RELL1: variants seen among roughly 807,000 people sequenced by gnomAD.
RELL1 encodes RELT-like protein 1.
RELL1 carries 10 observed loss-of-function variants against 23.0 expected under a neutral mutation model. The observed-to-expected ratio is 0.43, with a 90% confidence interval of 0.27 to 0.74. The LOEUF is 0.74. RELL1 is among the 30% of genes least tolerant of loss of function. RELL1 has a pLI of 0.19. For synonymous variants in RELL1, 146 were observed against 146.8 expected (o/e 0.99, Z 0.04); for missense variants, 315 against 364.4 (o/e 0.86, Z 1.10).
chr4:37,598,978 C>T (rs766594132), intron 6 of RELL1, among the ~76,000 whole-genome samples: 1 of 152,156 alleles, frequency 6.6e-6, no homozygotes, highest in Admixed American at 6.5e-5. Flanking sequence ...AGCCACCGCG[C>T]CTGGCCCAAA....
chr4:37,621,657 G>A (rs1468797249), intron 6 of RELL1, among the ~76,000 whole-genome samples: 1 of 152,130 alleles, frequency 6.6e-6, no homozygotes, highest in African/African-American at 2.4e-5. Flanking sequence ...AATTTCTGCA[G>A]TGAAAAGAGC....
intron 1 of RELL1, among the ~76,000 whole-genome samples, chr4:37,669,110 T>C (rs1266605453): frequency 8.2e-6 from 1 of 122,504 alleles, no homozygotes; most frequent in African/African-American, 3.6e-5. Context: ...GAGGGGCGCC[T>C]CTGCCCGGCC....
At chr4:37,587,044 A>G (rs1718373582), downstream of RELL1, among the ~76,000 whole-genome samples, 1 of 152,018 alleles carries the variant, frequency 6.6e-6, no homozygotes, top group African/African-American at 2.4e-5. Flanking sequence ...CCGGGGCCAC[A>G]CTCTTTCCAG....
intron 1 of RELL1, among the ~76,000 whole-genome samples, chr4:37,660,904 G>T (rs6531564): frequency 0.99 from 150,091 of 151,968 alleles, 74,139 homozygotes; most frequent in Non-Finnish European, 1. Flanking sequence ...GGTGGCGGGC[G>T]CCTGTTGTCC....
rs548224761 is a variant in RELL1 at position 37,652,218 on chromosome 4, T to C, written c.89-2718A>G. On this transcript the variant is annotated intron_variant, in intron 1 of 6. Transcript: ENST00000454158. ...ACTACCTCTCTTTCGCATGGAAATA[T>C]CCATTGTCTTTGAACATGAAAGGAA... 2.6e-5 allele frequency among the ~76,000 whole-genome samples: 4 copies of C among 152,334 alleles called. No homozygotes were observed. The East Asian group carries it at 5.8e-4, about 22-fold the overall frequency.
chr4:37,659,533 A>G (rs1378882391), intron 1 of RELL1, among the ~76,000 whole-genome samples: 1 of 152,146 alleles, frequency 6.6e-6, no homozygotes, highest in Non-Finnish European at 1.5e-5. Flanking sequence ...GGTCTAGATT[A>G]CCAAGATGGC....
At chr4:37,625,610 T>C (rs1229719918) in intron 6 of RELL1, among the ~76,000 whole-genome samples, 2 of 152,152 alleles carry the variant, frequency 1.3e-5, no homozygotes, top group Non-Finnish European at 2.9e-5. Context: ...TTAGGAGGAA[T>C]AGGCCATCAA....
In RELL1 at chr4:37,628,507, A is replaced by G. The variant is rs137887216; in HGVS notation, c.*3+2878T>C. Among the ~76,000 whole-genome samples the G allele has an allele frequency of 4.4e-3, 675 of 152,330 alleles. 3 individuals carry two copies. Among genetic ancestry groups the G allele is most frequent in the African/African-American group, 0.016 (655 of 41,584 alleles). ...ATGGATCATGGACATCCATGATACT[A>G]TTCTACTTTTGAGTTTAAAATTTTT... On this transcript the variant is annotated intron_variant, in intron 6 of 6. Transcript: ENST00000454158.
At chr4:37,686,014 G>C (rs920019134) in intron 1 of RELL1, among the ~76,000 whole-genome samples, 186 bp downstream of exon 1, 1 of 152,186 alleles carries the variant, frequency 6.6e-6, no homozygotes, top group South Asian at 2.1e-4. Flanking sequence ...GGGAGGGACG[G>C]GAGCCGTTGC....
Position 37,612,240 on chromosome 4 carries a change from CCAAA to C in RELL1, c.*1102_*1105del. 6.9e-6 allele frequency among the ~76,000 whole-genome samples: 1 copy of C among 145,890 alleles called. No individual in the cohort carries two copies. Among genetic ancestry groups the C allele is most frequent in the East Asian group, 2.0e-4 (1 of 4,934 alleles). On this transcript the variant is annotated 3_prime_UTR_variant, in exon 7 of 7. Coordinates refer to ENST00000454158, the MANE Select transcript of RELL1 (RefSeq NM_001085400.2). ...TTCTTTTGTTTTGGCCTTGGGTTGT[CCAAA>C]CAAATTTGTGTGTGTGTGACTTTCA...
At chr4:37,652,601 CT>C (rs893153259) in intron 1 of RELL1, among the ~76,000 whole-genome samples, 15 of 152,006 alleles carry the variant, frequency 9.9e-5, no homozygotes, top group African/African-American at 3.6e-4. Context: ...AAAATAAATT[CT>C]TTTTTAGGGG....
intron 1 of RELL1, among the ~76,000 whole-genome samples, chr4:37,654,376 T>C (rs1327844307): frequency 6.6e-6 from 1 of 152,234 alleles, no homozygotes; most frequent in Non-Finnish European, 1.5e-5. Context: ...GACAGCCCTG[T>C]TGTGCATTAT....
Position 37,604,761 on chromosome 4 carries a change from C to CCA in RELL1, c.*4-13546_*4-13545dup, listed in dbSNP as rs200811075. Among the ~76,000 whole-genome samples, 12 of 50,222 alleles carry CCA rather than the reference C, an allele frequency of 2.4e-4. No homozygotes were observed. In the South Asian group the frequency reaches 2.5e-3, roughly 11 times the overall value. The allele number at this position is 50,222 out of a possible 152,430, so 32.9% of individuals were successfully genotyped here. A position where few individuals can be genotyped will look rare whatever the true frequency, so the allele number is the denominator to read the frequency against. On this transcript the variant is annotated intron_variant, in intron 6 of 6. Coordinates refer to the RELL1 transcript ENST00000314117. ...AATACTGTAAGGCTAAAAACAAGAA[C>CCA]CACACACACACACAGACACACACAG...
At chr4:37,666,302 GA>G (rs1440613488) in intron 1 of RELL1, among the ~76,000 whole-genome samples, 1 of 152,160 alleles carries the variant, frequency 6.6e-6, no homozygotes, top group Non-Finnish European at 1.5e-5. Flanking sequence ...GGCCAACTCT[GA>G]AGCAAGACTA....
At chr4:37,610,232 C>T (rs186677773), downstream of RELL1, among the ~76,000 whole-genome samples, 19 of 141,930 alleles carry the variant, frequency 1.3e-4, no homozygotes, top group South Asian at 3.9e-3. This position sits in a 1 kb window ranked among gnomAD's most constrained non-coding sequence, Gnocchi z 4.1. Context: ...CTCAGATTAT[C>T]GTATTTTTTT....
In RELL1 at chr4:37,631,466, C is replaced by T. The variant is rs115919542; in HGVS notation, c.738G>A (p.Met246Ile). The stretch of plus-strand genomic sequence containing the variant: ...TGACGGTTTCAGCCCCACTAACAGA[C>T]ATCAGGCTTCTCCGTTCCTTCTGGT... ...KSNQKERRSL[M>I]SVSGAETVNG... Residue 246 changes from methionine to isoleucine, a missense_variant, in exon 6 of 7, where the codon ATG becomes ATA. Met to Ile is a conservative substitution (Grantham distance 10). Transcript: ENST00000454158. 6.2e-7 allele frequency: 1 copy of T among 1,614,172 alleles called. No individual in the cohort carries two copies. The highest frequency in any genetic ancestry group is 1.3e-5 in the African/African-American group (1 of 75,044).
chr4:37,606,131 GA>G (rs1370096120), downstream of RELL1, among the ~76,000 whole-genome samples: 59 of 136,092 alleles, frequency 4.3e-4, no homozygotes, highest in Non-Finnish European at 8.6e-4. This position sits in a 1 kb window ranked among gnomAD's most constrained non-coding sequence, Gnocchi z 4.1. Context: ...AGGAGGAGGA[GA>G]AGGAAGGAAG....
intron 6 of RELL1, among the ~76,000 whole-genome samples, chr4:37,615,737 A>G (rs1719553272): frequency 1.3e-5 from 2 of 152,248 alleles, no homozygotes; most frequent in Non-Finnish European, 2.9e-5. Context: ...CAGAAATCCC[A>G]AAGTGTAACC....
chr4:37,652,803 T>C (rs754428884), intron 1 of RELL1, among the ~76,000 whole-genome samples: 1 of 152,112 alleles, frequency 6.6e-6, no homozygotes, highest in South Asian at 2.1e-4. Flanking sequence ...TATCGTGCCA[T>C]GAAAAAACTG....
Sources: gnomAD v4.1 joint callset for allele counts (sites outside exome capture counted in the v4.1 genomes callset) on GRCh38, gnomAD v4.1.1 for gene constraint, Gnocchi (gnomAD v3.1) non-coding constraint, MANE v1.5 for transcripts, NCBI Gene and HGNC (gene_info 2026-07-23, HGNC 2026-07-21) for gene names.